ACTN1: variants seen among roughly 807,000 people sequenced by gnomAD.
ACTN1 encodes the protein actinin alpha 1, also known as alpha-actinin-1.
In ACTN1, 30 loss-of-function variants were observed where a neutral mutation model predicts 119.6. That is an observed-to-expected ratio of 0.25 (90% CI 0.19 to 0.34). ACTN1 has a LOEUF of 0.34. Among genes scored for constraint, ACTN1 ranks in the 10% least tolerant of loss-of-function variants. The pLI, the probability that ACTN1 is intolerant of heterozygous loss-of-function variation, is 1.00. For synonymous variants in ACTN1, 429 were observed against 472.6 expected, an observed-to-expected ratio of 0.91 and a Z score of 1.20; for missense variants, 764 against 1,223.4, an observed-to-expected ratio of 0.62 and a Z score of 5.60.
intron 1 of ACTN1, among the ~76,000 whole-genome samples, chr14:68,959,251 G>A (rs1035351116): frequency 2.0e-5 from 3 of 152,170 alleles, no homozygotes; most frequent in African/African-American, 4.8e-5. Flanking sequence ...AGTGGAGCTC[G>A]AGTTCATTGC....
At chr14:68,919,354 A>G (rs1423452467) in intron 3 of ACTN1, among the ~76,000 whole-genome samples, 3 of 152,130 alleles carry the variant, frequency 2.0e-5, no homozygotes, top group Admixed American at 1.3e-4. Flanking sequence ...TCCCTGCCCC[A>G]GGGGCATCCG....
At chr14:68,974,076 A>C (rs945118221) in intron 1 of ACTN1, 28 of 152,544 alleles carry the variant, frequency 1.8e-4, no homozygotes, top group African/African-American at 6.0e-4. Flanking sequence ...GCCAGTGGGG[A>C]AGGTACCCTT....
intron 9 of ACTN1, among the ~76,000 whole-genome samples, chr14:68,892,549 A>T (rs185227667): frequency 1.2e-3 from 184 of 152,348 alleles, no homozygotes; most frequent in African/African-American, 4.3e-3. Flanking sequence ...TGCTAAGGGA[A>T]GACCCATAGA....
At chr14:68,955,242 A>C (rs1343229382) in intron 1 of ACTN1, among the ~76,000 whole-genome samples, 1 of 152,222 alleles carries the variant, frequency 6.6e-6, no homozygotes, top group East Asian at 1.9e-4. Flanking sequence ...GATTGCATGT[A>C]AACTGAGTCC....
At position 68,909,802 on chromosome 14, in the gene ACTN1, C is replaced by T. The variant is rs931469789; in HGVS notation, c.515+153G>A. 4.6e-5 allele frequency among the ~76,000 whole-genome samples: 7 copies of T among 152,126 alleles called. No homozygotes were observed. Among genetic ancestry groups the T allele is most frequent in the African/African-American group, 1.2e-4 (5 of 41,418 alleles). ...GGGAGAGAGACGGGGGGATTCAGAG[C>T]GATGGCGACATCCCCTTCCCAAGGA... is the stretch of plus-strand genomic sequence containing the variant. On this transcript the variant is annotated intron_variant, in intron 5 of 21. Coordinates refer to ENST00000394419, the MANE Select transcript of ACTN1 (RefSeq NM_001130004.2). The surrounding 1 kb of genome is among the most constrained non-coding windows in gnomAD (Gnocchi z 4.1).
At chr14:68,951,358 A>T (rs114332215) in intron 1 of ACTN1, among the ~76,000 whole-genome samples, 1 of 152,192 alleles carries the variant, frequency 6.6e-6, no homozygotes, top group Non-Finnish European at 1.5e-5. Flanking sequence ...CCACTACAGG[A>T]GAGGAAGCCA....
intron 1 of ACTN1, among the ~76,000 whole-genome samples, chr14:68,952,903 C>G (rs939663898): frequency 6.6e-6 from 1 of 152,124 alleles, no homozygotes; most frequent in African/African-American, 2.4e-5. Flanking sequence ...AGGGCACGGG[C>G]AGATTTGAAA....
rs1163778679 is a variant in ACTN1 at position 68,877,170 on chromosome 14, G to A, written c.2498C>T (p.Ala833Val). ...CTCGCGGGACATGAAGTCAATGAAG[G>A]CCTGGAATGTCACTACCCCCAGGCG... ...PNRLGVVTFQ[A>V]FIDFMSRETA... Residue 833 changes from alanine (A) to valine (V), a missense_variant, in exon 21 of 22, where the codon GCC (alanine) becomes GTC (valine). By Grantham distance (64) the Ala-to-Val change is moderately conservative. Around this residue, in one of 4 missense-constraint regions of ACTN1, gnomAD observed 544 missense variants for 912.0 expected, o/e 0.60. Coordinates refer to ENST00000394419, the MANE Select transcript of ACTN1 (RefSeq NM_001130004.2). 1 of 1,614,196 alleles carries A rather than the reference G, an allele frequency of 6.2e-7. No homozygotes were observed. The highest frequency in any genetic ancestry group is 1.1e-5 in the South Asian group (1 of 91,080).
At chr14:68,893,095 C>G (rs2032621845) in intron 9 of ACTN1, among the ~76,000 whole-genome samples, 1 of 152,106 alleles carries the variant, frequency 6.6e-6, no homozygotes, top group Non-Finnish European at 1.5e-5. Context: ...AGCAGATCCA[C>G]CAAGAGGCTG....
At chr14:68,912,818 A>C (rs560676630) in intron 3 of ACTN1, among the ~76,000 whole-genome samples, 54 of 152,324 alleles carry the variant, frequency 3.5e-4, no homozygotes, top group African/African-American at 1.3e-3. Flanking sequence ...GGGGCATTTG[A>C]AATCCTGATC....
At chr14:68,977,800 T>TGCC (rs1555361549) in intron 1 of ACTN1, 12 of 346,026 alleles carry the variant, frequency 3.5e-5, no homozygotes, top group Non-Finnish European at 2.9e-5. Context: ...CGCCATCCTG[T>TGCC]CCCCCCCCCA....
chr14:68,923,060 AG>A, intron 2 of ACTN1, among the ~76,000 whole-genome samples: 1 of 152,368 alleles, frequency 6.6e-6, no homozygotes, highest in Non-Finnish European at 1.5e-5. Flanking sequence ...AGAAATGCAC[AG>A]GTCCCCTGGG....
chr14:68,883,811 G>A (rs12431732), intron 14 of ACTN1, among the ~76,000 whole-genome samples: 5 of 151,930 alleles, frequency 3.3e-5, no homozygotes, highest in African/African-American at 1.2e-4. Context: ...TCAAGGTTCA[G>A]AATATGGTAT....
intron 1 of ACTN1, among the ~76,000 whole-genome samples, chr14:68,965,606 C>T (rs1044106186): frequency 2.0e-4 from 31 of 152,212 alleles, no homozygotes; most frequent in African/African-American, 6.8e-4. Context: ...TACCCTTCAC[C>T]AACACCAAAC....
intron 1 of ACTN1, among the ~76,000 whole-genome samples, chr14:68,945,172 A>AG: frequency 6.6e-6 from 1 of 151,582 alleles, no homozygotes; most frequent in Admixed American, 6.6e-5. Flanking sequence ...TCAAAAAAAA[A>AG]AAAAAGAAAG....
intron 3 of ACTN1, among the ~76,000 whole-genome samples, chr14:68,916,352 G>C (rs1342109452): frequency 6.6e-6 from 1 of 152,214 alleles, no homozygotes; most frequent in Non-Finnish European, 1.5e-5. Context: ...GGGACTGGGA[G>C]AGGCAGGTGG....
At chr14:68,877,396 G>A in intron 20 of ACTN1, 156 bp from the exon 21 acceptor site, 1 of 840,402 alleles carries the variant, frequency 1.2e-6, no homozygotes, top group African/African-American at 1.7e-5. Flanking sequence ...GTATGATGGG[G>A]ACACAACACC....
chr14:68,898,452 T>C (rs535256407), intron 8 of ACTN1, among the ~76,000 whole-genome samples: 1 of 152,312 alleles, frequency 6.6e-6, no homozygotes, highest in East Asian at 1.9e-4. Context: ...CATTAGGCGC[T>C]GTTGCCTTTT....
Position 68,909,125 on chromosome 14 carries a change from CA to C in ACTN1, c.594+192del, listed in dbSNP as rs1309096665. 2.0e-5 allele frequency among the ~76,000 whole-genome samples: 3 copies of C among 152,200 alleles called. No individual in the cohort carries two copies. Among genetic ancestry groups the C allele is most frequent in the Non-Finnish European group, 4.4e-5 (3 of 68,030 alleles). ...TGTGCAAGTACACACACACCACGCA[CA>C]AGGGTAATGAAGTTGCCCTAACAGG... On this transcript the variant is annotated intron_variant, in intron 6 of 21. Transcript: ENST00000394419. This position sits in a 1 kb window ranked among gnomAD's most constrained non-coding sequence, Gnocchi z 4.1.
Sources: allele counts gnomAD v4.1 joint callset (sites outside exome capture counted in the v4.1 genomes callset), GRCh38; gene constraint gnomAD v4.1.1; regional missense constraint gnomAD v4.1.1; non-coding constraint Gnocchi (gnomAD v3.1); transcripts MANE v1.5; gene names NCBI Gene and HGNC (gene_info 2026-07-23, HGNC 2026-07-21).